UHMK1: variants seen among roughly 807,000 people sequenced by gnomAD.
The protein encoded by UHMK1 is serine/threonine-protein kinase Kist.
Under a neutral mutation model 44.0 loss-of-function variants are expected in UHMK1, and 18 were observed. That is an observed-to-expected ratio of 0.41 (90% CI 0.28 to 0.61). The LOEUF (loss-of-function observed/expected upper bound fraction) is 0.61, where lower values mean the gene tolerates loss of function less well. Ranked by LOEUF, UHMK1 falls within the 20% of genes least tolerant of loss-of-function variation. The probability of loss-of-function intolerance (pLI) is 0.31; values close to 1 mark genes in which losing one functional copy is unlikely to be tolerated. For missense variants in UHMK1, 463 were observed against 522.5 expected, an observed-to-expected ratio of 0.89 and a Z score of 1.11; for synonymous variants, 231 against 198.5, an observed-to-expected ratio of 1.16 and a Z score of -1.38.
intron 4 of UHMK1, 107 bp downstream of exon 4, chr1:162,503,955 A>G: frequency 1.2e-6 from 1 of 819,058 alleles, no homozygotes; most frequent in Non-Finnish European, 1.9e-6. Context: ...TGTAAGGAAC[A>G]TAAGTAATGA....
At chr1:162,502,856 A>G (rs1344775787) in intron 3 of UHMK1, among the ~76,000 whole-genome samples, 2 of 152,212 alleles carry the variant, frequency 1.3e-5, no homozygotes, top group Admixed American at 6.5e-5. Context: ...AATGGCATCT[A>G]TCTCATAAGA....
Position 162,497,981 on chromosome 1 carries a change from C to T in UHMK1, c.-20C>T. 2 of 1,507,870 alleles carry T rather than the reference C, an allele frequency of 1.3e-6. No homozygotes were observed. The highest frequency in any genetic ancestry group is 5.0e-5 in the East Asian group (2 of 40,022). The allele number at this position is 1,507,870 out of a possible 1,614,324, so 93.4% of individuals were successfully genotyped here. ...CAGGCGTCGCGTCAGCTCCCGTGTC[C>T]GTGCCCTTAACCCACACCGATGGCG... On this transcript the variant is annotated 5_prime_UTR_variant, in exon 1 of 8. Coordinates refer to ENST00000489294, the MANE Select transcript of UHMK1 (RefSeq NM_175866.5).
At chr1:162,502,066 C>T (rs541225855) in intron 3 of UHMK1, among the ~76,000 whole-genome samples, 27 of 152,082 alleles carry the variant, frequency 1.8e-4, no homozygotes, top group Non-Finnish European at 3.7e-4. Flanking sequence ...GTCCCAGCTA[C>T]CCAGGAGGCT....
chr1:162,521,497 A>C (rs1557947570), intron 7 of UHMK1, among the ~76,000 whole-genome samples: 1 of 152,142 alleles, frequency 6.6e-6, no homozygotes, highest in African/African-American at 2.4e-5. Flanking sequence ...TCTGTCACCC[A>C]GGCTGGAGCA....
Position 162,497,902 on chromosome 1 carries a change from G to C in UHMK1, c.-99G>C. On this transcript the variant is annotated 5_prime_UTR_variant, in exon 1 of 8. Transcript: ENST00000489294. ...GAGGCGGCTGCAGGTCCCTCCCTGC[G>C]GAGCCGCTGGTCCGGCTGGCGGAGA... is the stretch of plus-strand genomic sequence containing the variant. The C allele has an allele frequency of 7.0e-7, 1 of 1,425,242 alleles. No homozygotes were observed. The highest frequency in any genetic ancestry group is 2.7e-4 in the Middle Eastern group (1 of 3,742). 88.3% of individuals were successfully genotyped at this position (1,425,242 alleles called of 1,614,324 possible).
intron 1 of UHMK1, among the ~76,000 whole-genome samples, chr1:162,499,425 T>C (rs60611589): frequency 0.12 from 18,068 of 152,202 alleles, 1,268 homozygotes; most frequent in East Asian, 0.27. Flanking sequence ...CCTCGGTCTC[T>C]CAGAATGCTG....
rs1310318459 is a variant in UHMK1 at position 162,527,034 on chromosome 1, G to T, written c.*4484G>T. 1.3e-5 allele frequency: 2 copies of T among 152,044 alleles called. No individual in the cohort carries two copies. Among genetic ancestry groups the T allele is most frequent in the African/African-American group, 4.8e-5 (2 of 41,426 alleles). 9.4% of individuals were successfully genotyped at this position (152,044 alleles called of 1,614,324 possible). On this transcript the variant is annotated 3_prime_UTR_variant, in exon 8 of 8. Coordinates refer to ENST00000489294, the MANE Select transcript of UHMK1 (RefSeq NM_175866.5). Reference sequence around the variant, plus strand: ...AGTATTACTTACTAGCTTTCTTGATGAATATAAAAATGTTGTCTCCATCAT... The same window carrying T: ...AGTATTACTTACTAGCTTTCTTGATTAATATAAAAATGTTGTCTCCATCAT...
chr1:162,506,609 C>A (rs1026483348), intron 4 of UHMK1, among the ~76,000 whole-genome samples: 1 of 152,118 alleles, frequency 6.6e-6, no homozygotes, highest in African/African-American at 2.4e-5. Flanking sequence ...GCATGTGTTT[C>A]TGTTGAAAGT....
At chr1:162,515,916 C>G (rs1651820533) in intron 6 of UHMK1, among the ~76,000 whole-genome samples, 1 of 152,072 alleles carries the variant, frequency 6.6e-6, no homozygotes, top group African/African-American at 2.4e-5. Context: ...CGCCTGTAGT[C>G]CCAGCTACTC....
chr1:162,512,439 T>C, intron 4 of UHMK1, 61 bp from the exon 5 acceptor site: 1 of 1,361,648 alleles, frequency 7.3e-7, no homozygotes, highest in Non-Finnish European at 1.0e-6. Context: ...TTACTTTCTT[T>C]AATGGTTGCA....
intron 6 of UHMK1, among the ~76,000 whole-genome samples, chr1:162,517,073 T>C (rs1312588642): frequency 6.6e-6 from 1 of 152,024 alleles, no homozygotes; most frequent in Non-Finnish European, 1.5e-5. Context: ...CCAAGGCAGA[T>C]GGATCACCTG....
intron 4 of UHMK1, among the ~76,000 whole-genome samples, chr1:162,511,560 C>T (rs140570942): frequency 2.6e-5 from 4 of 152,260 alleles, no homozygotes; most frequent in African/African-American, 9.6e-5. Context: ...TCTCTTCACC[C>T]TGTTCATTGT....
At chr1:162,510,042 A>G (rs988136948) in intron 4 of UHMK1, among the ~76,000 whole-genome samples, 1 of 152,190 alleles carries the variant, frequency 6.6e-6, no homozygotes, top group Non-Finnish European at 1.5e-5. Context: ...TTCAGTAGCT[A>G]TATAGAGATA....
At chr1:162,505,267 G>A (rs2101673065) in intron 4 of UHMK1, among the ~76,000 whole-genome samples, 1 of 152,244 alleles carries the variant, frequency 6.6e-6, no homozygotes, top group Admixed American at 6.5e-5. Flanking sequence ...TTGTCTTACT[G>A]GAATGTCTGC....
chr1:162,497,191 A>C, upstream of UHMK1: 1 of 681,520 alleles, frequency 1.5e-6, no homozygotes, highest in Non-Finnish European at 2.7e-6. Flanking sequence ...TGTGGAGACC[A>C]AAGTTTTGTC....
Position 162,529,423 on chromosome 1 carries a change from A to G in UHMK1, c.*6873A>G, listed in dbSNP as rs553653291. On this transcript the variant is annotated 3_prime_UTR_variant, in exon 8 of 8. Transcript: ENST00000489294. ...GAACTTTTATTTTCCACTTTCCTATATTCCTAAAAAGTGTGAACAATGCGT... is the reference window on the plus strand; with the variant it reads ...GAACTTTTATTTTCCACTTTCCTATGTTCCTAAAAAGTGTGAACAATGCGT... 2 of 152,230 alleles carry G rather than the reference A, an allele frequency of 1.3e-5. No homozygotes were observed. The highest frequency in any genetic ancestry group is 4.8e-5 in the African/African-American group (2 of 41,564). 9.4% of individuals were successfully genotyped at this position (152,230 alleles called of 1,614,324 possible).
rs2101690696 is a variant in UHMK1 at position 162,526,528 on chromosome 1, A to G, written c.*3978A>G. ...AAGTGCCTTGTGTTTGCTGGAAAAT[A>G]TTAAAACTCATTTGGGTGAAAGCTT... On this transcript the variant is annotated 3_prime_UTR_variant, in exon 8 of 8. Transcript: ENST00000489294. 1 of 152,238 alleles carries G rather than the reference A, an allele frequency of 6.6e-6. No homozygotes were observed. Among genetic ancestry groups the G allele is most frequent in the East Asian group, 1.9e-4 (1 of 5,182 alleles). The allele number at this position is 152,238 out of a possible 1,614,324, so 9.4% of individuals were successfully genotyped here.
chr1:162,527,166 T>G lies in UHMK1; in HGVS notation c.*4616T>G, dbSNP rs994557423. 1.3e-5 allele frequency: 2 copies of G among 151,972 alleles called. 1 individual carries two copies. Among genetic ancestry groups the G allele is most frequent in the African/African-American group, 4.8e-5 (2 of 41,452 alleles). 9.4% of individuals were successfully genotyped at this position (151,972 alleles called of 1,614,324 possible). ...TACCCAGAATTGTAAAGATTTTGTT[T>G]CATTTTGTTTTAGGATAGCTTCTCT... On this transcript the variant is annotated 3_prime_UTR_variant, in exon 8 of 8. Coordinates refer to ENST00000489294, the MANE Select transcript of UHMK1 (RefSeq NM_175866.5).
chr1:162,507,842 T>G (rs1211837823), intron 4 of UHMK1, among the ~76,000 whole-genome samples: 1 of 152,094 alleles, frequency 6.6e-6, no homozygotes, highest in African/African-American at 2.4e-5. Context: ...TGCTTCGGCC[T>G]CCCCAAATGT....
Sources: allele counts gnomAD v4.1 joint callset (sites outside exome capture counted in the v4.1 genomes callset), GRCh38; gene constraint gnomAD v4.1.1; transcripts MANE v1.5; gene names NCBI Gene and HGNC (gene_info 2026-07-23, HGNC 2026-07-21).